NPAS2: variants seen among roughly 807,000 people sequenced by gnomAD.
The protein encoded by NPAS2 is neuronal PAS domain protein 2.
In NPAS2, 23 loss-of-function variants were observed where a neutral mutation model predicts 107.5. The ratio of observed to expected loss-of-function variants is 0.21; its 90% CI spans 0.15 to 0.30. NPAS2 has a LOEUF of 0.30. NPAS2 is among the 10% of genes least tolerant of loss of function. NPAS2 has a pLI of 1.00. For synonymous variants in NPAS2, 403 were observed against 417.5 expected (o/e 0.97, Z 0.42); for missense variants, 756 against 1,043.3 (o/e 0.72, Z 3.79).
chr2:100,838,856 T>C (rs1442568808), intron 1 of NPAS2, among the ~76,000 whole-genome samples: 1 of 152,166 alleles, frequency 6.6e-6, no homozygotes, highest in Non-Finnish European at 1.5e-5. Flanking sequence ...TTTTTTAATA[T>C]ACAGAGAAGA....
chr2:100,914,880 G>A (rs945651860), intron 2 of NPAS2, among the ~76,000 whole-genome samples: 5 of 152,102 alleles, frequency 3.3e-5, no homozygotes, highest in African/African-American at 1.2e-4. Context: ...TAAATAGTAG[G>A]GTGCAGATTG....
At chr2:100,953,733 C>T (rs11123855) in intron 7 of NPAS2, among the ~76,000 whole-genome samples, 26,762 of 151,988 alleles carry the variant, frequency 0.18, 2,772 homozygotes, top group East Asian at 0.39. Flanking sequence ...ACCCGGAGCC[C>T]ACACTCTTCA....
chr2:100,975,286 T>C (rs892646154), intron 13 of NPAS2, 172 bp from the exon 14 acceptor site: 5 of 656,830 alleles, frequency 7.6e-6, no homozygotes, highest in Non-Finnish European at 1.3e-5. Flanking sequence ...GTCTCCTACC[T>C]GCTCCCAGGC....
Position 100,977,373 on chromosome 2 carries a change from G to T in NPAS2, c.1393-337G>T, listed in dbSNP as rs1573776531. 2.6e-5 allele frequency among the ~76,000 whole-genome samples: 4 copies of T among 152,166 alleles called. No individual in the cohort carries two copies. The East Asian group carries it at 7.7e-4, about 29-fold the overall frequency. On this transcript the variant is annotated intron_variant, in intron 14 of 20. Transcript: ENST00000335681. ...ACACCGCTAAGAATTAATCCATTTG[G>T]GAGGAGAGCAACCAAATCCACCCAG... is the stretch of plus-strand genomic sequence containing the variant.
At chr2:100,862,396 C>T (rs1047590574) in intron 1 of NPAS2, among the ~76,000 whole-genome samples, 4 of 152,100 alleles carry the variant, frequency 2.6e-5, no homozygotes, top group Non-Finnish European at 4.4e-5. Flanking sequence ...TGATATTCAT[C>T]GGGCTGTATT....
At chr2:100,915,179 T>A (rs1490878289) in intron 2 of NPAS2, among the ~76,000 whole-genome samples, 4 of 146,984 alleles carry the variant, frequency 2.7e-5, no homozygotes, top group Non-Finnish European at 5.9e-5. Context: ...ACATGAAACC[T>A]TTTATGCAGA....
At chr2:100,974,124 G>A (rs1046130493) in intron 12 of NPAS2, among the ~76,000 whole-genome samples, 2 of 152,246 alleles carry the variant, frequency 1.3e-5, no homozygotes, top group East Asian at 1.9e-4. Flanking sequence ...TTACAGGCGT[G>A]AGCCACCGCA....
intron 1 of NPAS2, chr2:100,847,239 T>C (rs976451653): frequency 2.0e-5 from 3 of 152,234 alleles, no homozygotes; most frequent in Non-Finnish European, 1.5e-5. Flanking sequence ...TCTTCTTATC[T>C]TGGAATTCTT....
chr2:100,995,228 A>C, intron 20 of NPAS2, 172 bp from the exon 21 acceptor site: 18 of 522,154 alleles, frequency 3.4e-5, no homozygotes, highest in Admixed American at 6.9e-5. Context: ...CTTAGTCCCC[A>C]TCCCCACCAC....
At chr2:100,962,347 A>G (rs895228121) in intron 7 of NPAS2, among the ~76,000 whole-genome samples, 3 of 152,238 alleles carry the variant, frequency 2.0e-5, no homozygotes, top group Admixed American at 6.5e-5. Context: ...GCTAAAATCC[A>G]AAGAAAATCT....
intron 1 of NPAS2, among the ~76,000 whole-genome samples, chr2:100,825,184 G>A (rs945040079): frequency 2.6e-5 from 4 of 152,314 alleles, no homozygotes; most frequent in East Asian, 3.9e-4. Flanking sequence ...ACCTAGTGGC[G>A]TGATTCTTCT....
intron 2 of NPAS2, among the ~76,000 whole-genome samples, chr2:100,921,675 G>A (rs116000431): frequency 4.6e-5 from 7 of 152,198 alleles, no homozygotes; most frequent in African/African-American, 1.2e-4. Context: ...AAAGATGTTC[G>A]ACATTACTAG....
At chr2:100,909,199 A>G (rs1388415793) in intron 2 of NPAS2, among the ~76,000 whole-genome samples, 1 of 152,222 alleles carries the variant, frequency 6.6e-6, no homozygotes, top group Non-Finnish European at 1.5e-5. Flanking sequence ...GAGCAAGTGG[A>G]TGTTACAGAT....
chr2:100,987,893 G>A (rs1019865245), intron 16 of NPAS2, 186 bp from the exon 17 acceptor site: 2 of 675,846 alleles, frequency 3.0e-6, no homozygotes, highest in East Asian at 2.5e-5. Context: ...CCATGGCTCT[G>A]TGGCCAGTGC....
chr2:100,924,513 T>C (rs985506232), intron 2 of NPAS2, among the ~76,000 whole-genome samples: 1 of 152,254 alleles, frequency 6.6e-6, no homozygotes, highest in Non-Finnish European at 1.5e-5. Flanking sequence ...CTTAGTAATA[T>C]GTGTTTAACT....
At chr2:100,918,861 T>G (rs1374148758) in intron 2 of NPAS2, among the ~76,000 whole-genome samples, 1 of 152,182 alleles carries the variant, frequency 6.6e-6, no homozygotes, top group African/African-American at 2.4e-5. Context: ...ACATATAGTT[T>G]CCATATGACC....
intron 17 of NPAS2, 42 bp from the exon 18 acceptor site, chr2:100,990,214 T>C (rs1307946265): frequency 3.1e-6 from 5 of 1,591,424 alleles, no homozygotes; most frequent in Middle Eastern, 1.7e-4. Flanking sequence ...TGGCCCAGGG[T>C]TGAGTCCAAG....
At chr2:100,861,489 G>T (rs1678937590) in intron 1 of NPAS2, among the ~76,000 whole-genome samples, 1 of 152,134 alleles carries the variant, frequency 6.6e-6, no homozygotes, top group Admixed American at 6.5e-5. Context: ...ACAAGGGGAG[G>T]AGGGGAGCCG....
chr2:100,958,750 A>C (rs1189889504), intron 7 of NPAS2, among the ~76,000 whole-genome samples: 1 of 152,132 alleles, frequency 6.6e-6, no homozygotes, highest in Non-Finnish European at 1.5e-5. Flanking sequence ...TGTGTGTGAG[A>C]TATCCACTTT....
Sources: gnomAD v4.1 joint callset for allele counts (sites outside exome capture counted in the v4.1 genomes callset) on GRCh38, gnomAD v4.1.1 for gene constraint, MANE v1.5 for transcripts, NCBI Gene and HGNC (gene_info 2026-07-23, HGNC 2026-07-21) for gene names.